The following PLPPR1 variants were observed in gnomAD, a reference collection of about 807,000 sequenced individuals.
PLPPR1 encodes the protein phospholipid phosphatase-related protein type 1.
In PLPPR1, 10 loss-of-function variants were observed where a neutral mutation model predicts 33.1. The observed-to-expected ratio is 0.30, with a 90% CI of 0.19 to 0.51. The LOEUF is 0.51. Among genes scored for constraint, PLPPR1 ranks in the 20% least tolerant of loss-of-function variants. The probability of loss-of-function intolerance (pLI) is 0.97; values close to 1 mark genes in which losing one functional copy is unlikely to be tolerated. For missense variants in PLPPR1, 304 were observed against 408.1 expected (o/e 0.74, Z 2.20); for synonymous variants, 151 against 151.0 (o/e 1.00, Z 0.00).
intron 1 of PLPPR1, among the ~76,000 whole-genome samples, chr9:101,167,978 T>TGTGTAGG (rs1333088635): frequency 6.6e-6 from 1 of 152,064 alleles, no homozygotes; most frequent in Non-Finnish European, 1.5e-5. Flanking sequence ...TAAGAGAGCT[T>TGTGTAGG]GTGTAGGGAA....
At chr9:101,292,526 A>G (rs912536588) in intron 4 of PLPPR1, among the ~76,000 whole-genome samples, 1 of 151,774 alleles carries the variant, frequency 6.6e-6, no homozygotes, top group Non-Finnish European at 1.5e-5. Flanking sequence ...AAAAAATGTT[A>G]AGGGCAGCCA....
intron 3 of PLPPR1, among the ~76,000 whole-genome samples, chr9:101,271,729 C>T (rs1400848272): frequency 6.6e-6 from 1 of 152,164 alleles, no homozygotes; most frequent in African/African-American, 2.4e-5. Context: ...CTTCCTGTCT[C>T]ATAAGCATAT....
intron 4 of PLPPR1, among the ~76,000 whole-genome samples, chr9:101,308,091 C>T (rs1052116435): frequency 6.6e-6 from 1 of 152,100 alleles, no homozygotes; most frequent in African/African-American, 2.4e-5. Context: ...AACAGCAAAA[C>T]CAGAATAATG....
intron 2 of PLPPR1, among the ~76,000 whole-genome samples, chr9:101,191,983 A>C (rs1826304045): frequency 6.6e-6 from 1 of 152,160 alleles, no homozygotes; most frequent in Admixed American, 6.5e-5. Flanking sequence ...CTCAGCTTGA[A>C]CCTAGCAGGT....
intron 1 of PLPPR1, among the ~76,000 whole-genome samples, chr9:101,156,297 C>T (rs1355008561): frequency 6.6e-6 from 1 of 151,898 alleles, no homozygotes; most frequent in Non-Finnish European, 1.5e-5. Flanking sequence ...CACCTGTAAT[C>T]CCAGTAATTT....
intron 7 of PLPPR1, among the ~76,000 whole-genome samples, chr9:101,318,967 T>C (rs1008886762): frequency 2.0e-5 from 3 of 152,198 alleles, no homozygotes; most frequent in Admixed American, 1.3e-4. Context: ...CTAAAGTGTT[T>C]ATGTTTTGTC....
At chr9:101,095,336 ATTGT>A (rs1830804057) in intron 1 of PLPPR1, among the ~76,000 whole-genome samples, 1 of 151,974 alleles carries the variant, frequency 6.6e-6, no homozygotes, top group African/African-American at 2.4e-5. Flanking sequence ...ATAGTAGCTG[ATTGT>A]TTGTTGGACT....
chr9:101,317,387 T>G lies in PLPPR1; in HGVS notation c.836T>G (p.Phe279Cys). 1 of 1,614,060 alleles carries G rather than the reference T, an allele frequency of 6.2e-7. No homozygotes were observed. Among genetic ancestry groups the G allele is most frequent in the Non-Finnish European group, 8.5e-7 (1 of 1,179,978 alleles). ...CAGGGAATGTGTGTGGTTCATAACT[T>G]TAAAGGAACGCAAGGATCTCCTTCC... ...LFLGMCVVHN[F>C]KGTQGSPSKP... The change falls in exon 7 of 8, where the codon TTT becomes TGT. Residue 279 changes from phenylalanine to cysteine, a missense_variant. Phe to Cys is a radical substitution (Grantham distance 205, BLOSUM62 -2). Transcript: ENST00000374874.
chr9:101,302,138 A>G (rs1044934328), intron 4 of PLPPR1, among the ~76,000 whole-genome samples: 6 of 152,202 alleles, frequency 3.9e-5, no homozygotes, highest in African/African-American at 1.4e-4. Flanking sequence ...TCTGGATCTC[A>G]ATTTCCTCAC....
chr9:101,322,584 C>T (rs1829177023), intron 7 of PLPPR1: 1 of 152,092 alleles, frequency 6.6e-6, no homozygotes, highest in Non-Finnish European at 1.5e-5. Flanking sequence ...CAGAAATAAC[C>T]TTGTAAACAG....
At chr9:101,095,107 TGTCTGTCCTGGAATG>T (rs1830799257) in intron 1 of PLPPR1, among the ~76,000 whole-genome samples, 1 of 152,334 alleles carries the variant, frequency 6.6e-6, no homozygotes, top group African/African-American at 2.4e-5. Context: ...ATCTTCAAAT[TGTCTGTCCTGGAATG>T]GTCCATTAGT....
At chr9:101,126,849 C>T (rs1831251529) in intron 1 of PLPPR1, among the ~76,000 whole-genome samples, 1 of 152,128 alleles carries the variant, frequency 6.6e-6, no homozygotes, top group Non-Finnish European at 1.5e-5. Context: ...TCTGCCTTAT[C>T]GTCTGTTTGA....
chr9:101,251,824 G>T (rs1252474949), intron 2 of PLPPR1, among the ~76,000 whole-genome samples: 1 of 152,068 alleles, frequency 6.6e-6, no homozygotes, highest in Non-Finnish European at 1.5e-5. Flanking sequence ...TGGTCACAAT[G>T]TATTGTTGAG....
chr9:101,241,029 A>C (rs886531966), intron 2 of PLPPR1, among the ~76,000 whole-genome samples: 1 of 152,112 alleles, frequency 6.6e-6, no homozygotes, highest in African/African-American at 2.4e-5. Context: ...ACAAGTGTTC[A>C]TGGGCTTGTT....
At chr9:101,229,128 G>T (rs527711854) in intron 2 of PLPPR1, among the ~76,000 whole-genome samples, 3 of 152,210 alleles carry the variant, frequency 2.0e-5, no homozygotes, top group Admixed American at 2.0e-4. Flanking sequence ...CAGATCAAGG[G>T]TTTGATGTTG....
At chr9:101,035,600 CTCTT>C (rs1830000271) in intron 1 of PLPPR1, among the ~76,000 whole-genome samples, 1 of 152,136 alleles carries the variant, frequency 6.6e-6, no homozygotes, top group East Asian at 1.9e-4. Context: ...AGGTTGGCTT[CTCTT>C]TCTATGTGTT....
chr9:101,247,338 C>T (rs1273029597), intron 2 of PLPPR1, among the ~76,000 whole-genome samples: 2 of 152,050 alleles, frequency 1.3e-5, no homozygotes, highest in Non-Finnish European at 2.9e-5. Context: ...AAGGCAACTC[C>T]AGCAGCCTTC....
At chr9:101,170,428 A>G (rs1459386694) in intron 1 of PLPPR1, among the ~76,000 whole-genome samples, 2 of 152,146 alleles carry the variant, frequency 1.3e-5, no homozygotes, top group Non-Finnish European at 2.9e-5. Context: ...ACTCCTCTTT[A>G]TAAAACCATC....
Position 101,237,854 on chromosome 9 carries a change from G to A in PLPPR1, c.64-32026G>A, listed in dbSNP as rs867219498. On this transcript the variant is annotated intron_variant, in intron 2 of 7. Transcript: ENST00000374874. ...ATATATATGCTATATATGTGTGTGTGTATATATATATATACACACACATAT... is the reference window on the plus strand; with the variant it reads ...ATATATATGCTATATATGTGTGTGTATATATATATATATACACACACATAT... Among the ~76,000 whole-genome samples, 261 of 120,880 alleles carry A rather than the reference G, an allele frequency of 2.2e-3. 3 individuals are homozygous for A. Among genetic ancestry groups the A allele is most frequent in the South Asian group, 0.014 (48 of 3,472 alleles). The allele number at this position is 120,880 out of a possible 152,430, so 79.3% of individuals were successfully genotyped here.
Sources: gnomAD v4.1 joint callset for allele counts (sites outside exome capture counted in the v4.1 genomes callset) on GRCh38, gnomAD v4.1.1 for gene constraint, MANE v1.5 for transcripts, NCBI Gene and HGNC (gene_info 2026-07-23, HGNC 2026-07-21) for gene names.